The following WWP2 variants were observed in gnomAD, a reference collection of about 807,000 sequenced individuals.
The protein encoded by WWP2 is WW domain containing E3 ubiquitin protein ligase 2.
WWP2 carries 57 observed loss-of-function variants against 121.0 expected under a neutral mutation model. The observed-to-expected ratio is 0.47, with a 90% CI of 0.38 to 0.59. The LOEUF (loss-of-function observed/expected upper bound fraction) is 0.59. WWP2 is among the 20% of genes least tolerant of loss of function. The probability of loss-of-function intolerance (pLI) is 0.00; values close to 1 mark genes in which losing one functional copy is unlikely to be tolerated. For synonymous variants in WWP2, 449 were observed against 441.3 expected, an observed-to-expected ratio of 1.02 and a Z score of -0.22; for missense variants, 962 against 1,158.9, an observed-to-expected ratio of 0.83 and a Z score of 2.47.
intron 4 of WWP2, among the ~76,000 whole-genome samples, chr16:69,808,009 A>G (rs975358206): frequency 3.9e-5 from 6 of 152,312 alleles, no homozygotes; most frequent in Admixed American, 2.6e-4. Context: ...GAATATGTAC[A>G]TGTGTCCACA....
chr16:69,937,129 A>G lies in WWP2; in HGVS notation c.2129A>G (p.Asp710Gly). 2 of 1,613,896 alleles carry G rather than the reference A, an allele frequency of 1.2e-6. No individual in the cohort carries two copies. The highest frequency in any genetic ancestry group is 2.7e-5 in the African/African-American group (2 of 75,004). The change falls in exon 20 of 24, where the codon GAC becomes GGC. Residue 710 changes from aspartate to glycine, a missense_variant. Physicochemically the swap from Asp to Gly is moderately conservative, Grantham distance 94. Coordinates refer to ENST00000359154, the MANE Select transcript of WWP2 (RefSeq NM_001270454.2). This position sits in a 1 kb window ranked among gnomAD's most constrained non-coding sequence, Gnocchi z 6.6. ...NKEEYIMLLT[D>G]WRFTRGVEEQ... ...CTCTTTGGTCTCAGGCTGCTGACTG[A>G]CTGGCGTTTCACCCGAGGCGTGGAA...
rs955815197 is a variant in WWP2 at position 69,799,629 on chromosome 16, G to A, written c.340+334G>A. The A allele has an allele frequency of 8.0e-6, 2 of 251,132 alleles. No individual in the cohort carries two copies. Among genetic ancestry groups the A allele is most frequent in the Admixed American group, 5.0e-5 (1 of 20,088 alleles). 15.6% of individuals were successfully genotyped at this position (251,132 alleles called of 1,614,324 possible). A position where few individuals can be genotyped will look rare whatever the true frequency, so the allele number is the denominator to read the frequency against. On this transcript the variant is annotated intron_variant, in intron 4 of 23. Coordinates refer to ENST00000359154, the MANE Select transcript of WWP2 (RefSeq NM_001270454.2). The surrounding 1 kb of genome is among the most constrained non-coding windows in gnomAD (Gnocchi z 4.5). ...TGAATGAAACTGTCAAATACCTCTAGCCTAAATCATTGCTTTTCTAGCCTC... is the reference window on the plus strand; with the variant it reads ...TGAATGAAACTGTCAAATACCTCTAACCTAAATCATTGCTTTTCTAGCCTC...
intron 2 of WWP2, among the ~76,000 whole-genome samples, chr16:69,793,208 C>T (rs577054187): frequency 1.3e-5 from 2 of 152,116 alleles, no homozygotes; most frequent in African/African-American, 4.8e-5. Flanking sequence ...AAAAAATTAG[C>T]TGGGTGTGAT....
intron 9 of WWP2, 43 bp downstream of exon 9, chr16:69,908,893 C>T (rs201784061): frequency 2.5e-6 from 4 of 1,613,514 alleles, no homozygotes; most frequent in Admixed American, 1.7e-5. Flanking sequence ...GGAACTGACA[C>T]CATGAGTCAC....
rs533200284 is a variant in WWP2, at chr16:69,937,772, C to G, written c.2343+120C>G. 3 of 902,198 alleles carry G rather than the reference C, an allele frequency of 3.3e-6. No individual in the cohort carries two copies. The South Asian group carries it at 4.6e-5, about 14-fold the overall frequency. The allele number at this position is 902,198 out of a possible 1,614,324, so 55.9% of individuals were successfully genotyped here. A position where few individuals can be genotyped will look rare whatever the true frequency, so the allele number is the denominator to read the frequency against. On this transcript the variant is annotated intron_variant, in intron 21 of 23. Transcript: ENST00000359154. This position sits in a 1 kb window ranked among gnomAD's most constrained non-coding sequence, Gnocchi z 6.6. ...TTGGCCCTGTCCTTGCCTCCCACACCTTGCAAAAGGAGACGATAGACCAGC... is the reference window on the plus strand; with the variant it reads ...TTGGCCCTGTCCTTGCCTCCCACACGTTGCAAAAGGAGACGATAGACCAGC...
chr16:69,877,151 C>T (rs1011193053), intron 7 of WWP2, among the ~76,000 whole-genome samples: 2 of 152,212 alleles, frequency 1.3e-5, no homozygotes, highest in Admixed American at 6.5e-5. Flanking sequence ...AAGGCTCTTT[C>T]GTCAACATTG....
At chr16:69,784,953 T>C (rs957330621) in intron 1 of WWP2, among the ~76,000 whole-genome samples, 5 of 141,106 alleles carry the variant, frequency 3.5e-5, no homozygotes, top group African/African-American at 1.1e-4. Context: ...AAAGAAAGAG[T>C]GGTCGAGTGC....
At chr16:69,914,517 G>C (rs572745737) in intron 9 of WWP2, among the ~76,000 whole-genome samples, 210 of 152,208 alleles carry the variant, frequency 1.4e-3, no homozygotes, top group African/African-American at 4.3e-3. Flanking sequence ...CAGCACTTTG[G>C]GGGGCCAAGG....
intron 9 of WWP2, 58 bp from the exon 10 acceptor site, chr16:69,917,651 G>A: frequency 6.4e-7 from 1 of 1,572,978 alleles, no homozygotes; most frequent in African/African-American, 1.3e-5. Flanking sequence ...GACTTTTCTA[G>A]AATTGGGGGA....
intron 7 of WWP2, among the ~76,000 whole-genome samples, chr16:69,882,914 A>G (rs962630480): frequency 2.1e-4 from 32 of 152,166 alleles, no homozygotes; most frequent in African/African-American, 7.7e-4. Context: ...GAACTTTGGG[A>G]GGCTGAGGCA....
At chr16:69,896,847 AG>A (rs946520075) in intron 8 of WWP2, among the ~76,000 whole-genome samples, 12 of 151,916 alleles carry the variant, frequency 7.9e-5, no homozygotes, top group African/African-American at 2.9e-4. Context: ...TCTGTGAGAG[AG>A]CTACTTTTAT....
intron 4 of WWP2, among the ~76,000 whole-genome samples, chr16:69,836,910 G>A (rs1184339196): frequency 6.6e-6 from 1 of 152,074 alleles, no homozygotes; most frequent in Non-Finnish European, 1.5e-5. Flanking sequence ...ACAGGCATGA[G>A]CCACCATGCC....
rs77786756 is a variant in WWP2, at chr16:69,930,184, G to A, written c.1371G>A (p.Glu457=). 2,269 of 1,614,004 alleles carry A rather than the reference G, an allele frequency of 1.4e-3. 34 individuals carry two copies. In the African/African-American group the frequency reaches 0.027, roughly 19 times the overall value. ...GATGGGAGATGAAATACACCAGCGA[G>A]GGGGTGCGATACTTTGTGGACCACA... The part of the protein sequence containing the change: ...PPGWEMKYTS[E]GVRYFVDHNT... Residue 457 remains glutamate (E), a synonymous_variant, in exon 13 of 24, where the codon GAG becomes GAA. Coordinates refer to ENST00000359154, the MANE Select transcript of WWP2 (RefSeq NM_001270454.2).
chr16:69,926,403 G>A (rs1277177790), intron 11 of WWP2, among the ~76,000 whole-genome samples: 5 of 152,184 alleles, frequency 3.3e-5, no homozygotes, highest in Non-Finnish European at 7.3e-5. Context: ...TTGACAGATG[G>A]TGTGAAACTG....
chr16:69,809,289 A>G lies in WWP2; in HGVS notation c.340+9994A>G, dbSNP rs111828291. Among the ~76,000 whole-genome samples, 1,149 of 152,312 alleles carry G rather than the reference A, an allele frequency of 7.5e-3. 16 individuals are homozygous for G. Among genetic ancestry groups the G allele is most frequent in the African/African-American group, 0.026 (1,068 of 41,568 alleles). On this transcript the variant is annotated intron_variant, in intron 4 of 23. Coordinates refer to ENST00000359154, the MANE Select transcript of WWP2 (RefSeq NM_001270454.2). ...GTACCTAACATTCCAGCCATGTTTC[A>G]TAAAGTCTTCTATTTAGAGCCAGGT...
chr16:69,917,767 A>C lies in WWP2; in HGVS notation c.1063A>C (p.Thr355Pro), dbSNP rs2058497736. The C allele has an allele frequency of 5.0e-6, 8 of 1,613,760 alleles. No individual in the cohort carries two copies. In the East Asian group the frequency reaches 1.6e-4, roughly 31 times the overall value. Residue 355 changes from threonine (T) to proline (P), a missense_variant, in exon 10 of 24, where the codon ACC (threonine) becomes CCC (proline). Transcript: ENST00000359154. ...TTACTATGTGGATCACAATACTCGG[A>C]CCACCACCTGGCAGCGTCCGACCGC... ...RFYYVDHNTRTTTWQRPTAEY... is the reference protein window; with the variant it reads ...RFYYVDHNTRPTTWQRPTAEY...
chr16:69,888,062 A>G lies in WWP2; in HGVS notation c.727A>G (p.Thr243Ala), dbSNP rs745845066. 4 of 1,614,250 alleles carry G rather than the reference A, an allele frequency of 2.5e-6. No individual in the cohort carries two copies. The South Asian group carries it at 3.3e-5, about 13-fold the overall frequency. ...GTVNDEPTTA[T>A]DPEEPSVVGV... Reference sequence around the variant, plus strand: ...AGTGAATGATGAACCCACAACAGCCACTGATCCCGAAGAACCTTCCGTTGT... The same window carrying G: ...AGTGAATGATGAACCCACAACAGCCGCTGATCCCGAAGAACCTTCCGTTGT... The change falls in exon 8 of 24, where the codon ACT becomes GCT. Residue 243 changes from threonine (T) to alanine (A), a missense_variant. Around this residue, in one of 3 missense-constraint regions of WWP2, gnomAD observed 211 missense variants for 196.5 expected, o/e 1.07. Coordinates refer to ENST00000359154, the MANE Select transcript of WWP2 (RefSeq NM_001270454.2).
intron 19 of WWP2, 32 bp downstream of exon 19, chr16:69,936,484 G>A: frequency 6.2e-7 from 1 of 1,612,520 alleles, no homozygotes; most frequent in Non-Finnish European, 8.5e-7. Context: ...CTCCGCTCCA[G>A]GGGTGGCGTG....
chr16:69,842,164 A>C (rs539807178), intron 6 of WWP2, 44 bp downstream of exon 6: 1 of 1,576,408 alleles, frequency 6.3e-7, no homozygotes, highest in Non-Finnish European at 8.7e-7. Flanking sequence ...GAAGTTGCTT[A>C]GAGCTATTGA....
Sources: allele counts gnomAD v4.1 joint callset (sites outside exome capture counted in the v4.1 genomes callset), GRCh38; gene constraint gnomAD v4.1.1; regional missense constraint gnomAD v4.1.1; non-coding constraint Gnocchi (gnomAD v3.1); transcripts MANE v1.5; gene names NCBI Gene and HGNC (gene_info 2026-07-23, HGNC 2026-07-21).